ZFPM2: variants seen among roughly 807,000 people sequenced by gnomAD.
ZFPM2 encodes the protein zinc finger protein ZFPM2.
Under a neutral mutation model 98.6 loss-of-function variants are expected in ZFPM2, and 20 were observed. The ratio of observed to expected loss-of-function variants is 0.20; its 90% CI spans 0.14 to 0.29. ZFPM2 has a LOEUF of 0.29. Among genes scored for constraint, ZFPM2 ranks in the 10% least tolerant of loss-of-function variants. The pLI is 1.00. For synonymous variants in ZFPM2, 518 were observed against 502.7 expected, an observed-to-expected ratio of 1.03 and a Z score of -0.41; for missense variants, 1,310 against 1,388.6, an observed-to-expected ratio of 0.94 and a Z score of 0.90.
chr8:105,604,993 A>G (rs563181761), intron 4 of ZFPM2, among the ~76,000 whole-genome samples: 1 of 152,246 alleles, frequency 6.6e-6, no homozygotes, highest in East Asian at 1.9e-4. Context: ...CATTTTAAAA[A>G]GATCTTAACA....
At chr8:105,786,900 C>T (rs1194728730) in intron 5 of ZFPM2, among the ~76,000 whole-genome samples, 2 of 152,214 alleles carry the variant, frequency 1.3e-5, no homozygotes, top group Non-Finnish European at 2.9e-5. Context: ...CATAGCTGGA[C>T]TTACCAATAA....
At chr8:105,401,759 T>A (rs1811346336) in intron 1 of ZFPM2, among the ~76,000 whole-genome samples, 1 of 152,180 alleles carries the variant, frequency 6.6e-6, no homozygotes, top group African/African-American at 2.4e-5. Context: ...TACACTTTTT[T>A]AAATAGTTGT....
chr8:105,354,553 G>C (rs1355149210), intron 1 of ZFPM2, among the ~76,000 whole-genome samples: 1 of 152,092 alleles, frequency 6.6e-6, no homozygotes, highest in South Asian at 2.1e-4. Flanking sequence ...GGCATGTATT[G>C]GTGAGGTATG....
chr8:105,586,653 C>T (rs1815723689), intron 4 of ZFPM2, among the ~76,000 whole-genome samples: 1 of 151,398 alleles, frequency 6.6e-6, no homozygotes, highest in South Asian at 2.1e-4. Context: ...GGACTCCTGA[C>T]CTGGTGATCT....
At chr8:105,579,365 C>T (rs1815537025) in intron 4 of ZFPM2, among the ~76,000 whole-genome samples, 1 of 152,128 alleles carries the variant, frequency 6.6e-6, no homozygotes, top group African/African-American at 2.4e-5. Context: ...TGAGTCTGTT[C>T]AGATCTCCAA....
At chr8:105,656,189 GCCT>G (rs1326285360) in intron 5 of ZFPM2, among the ~76,000 whole-genome samples, 3 of 151,766 alleles carry the variant, frequency 2.0e-5, no homozygotes, top group African/African-American at 7.3e-5. Flanking sequence ...ATCCCTCTTT[GCCT>G]CCTTTACATA....
At chr8:105,487,933 GCTAGCTAGCTAGCTA>G (rs1563681473) in intron 3 of ZFPM2, among the ~76,000 whole-genome samples, 4 of 77,082 alleles carry the variant, frequency 5.2e-5, no homozygotes, top group African/African-American at 1.6e-4. Context: ...TATCTATCTA[GCTAGCTAGCTAGCTA>G]GCTATCTGTC....
chr8:105,595,305 C>T (rs1481882158), intron 4 of ZFPM2, among the ~76,000 whole-genome samples: 10 of 151,918 alleles, frequency 6.6e-5, no homozygotes, highest in Admixed American at 6.6e-4. Flanking sequence ...GAAAAGGGCC[C>T]CTATTTTAAT....
chr8:105,547,563 A>AG (rs1320609032), intron 3 of ZFPM2, among the ~76,000 whole-genome samples: 1 of 140,846 alleles, frequency 7.1e-6, no homozygotes, highest in Non-Finnish European at 1.6e-5. Flanking sequence ...AAAAAAAAAA[A>AG]AAAAAAGAAA....
At chr8:105,469,920 G>C (rs1812864642) in intron 3 of ZFPM2, among the ~76,000 whole-genome samples, 1 of 152,102 alleles carries the variant, frequency 6.6e-6, no homozygotes, top group African/African-American at 2.4e-5. Context: ...CAGAGTAAAT[G>C]CTCAAAAACT....
intron 5 of ZFPM2, among the ~76,000 whole-genome samples, chr8:105,695,717 A>T (rs6469012): frequency 0.5 from 75,339 of 151,532 alleles, 19,608 homozygotes; most frequent in East Asian, 0.7. Flanking sequence ...CATTAGAGAA[A>T]TAAAATATTA....
At chr8:105,695,813 T>G (rs1811005170) in intron 5 of ZFPM2, among the ~76,000 whole-genome samples, 1 of 143,724 alleles carries the variant, frequency 7.0e-6, no homozygotes, top group Non-Finnish European at 1.5e-5. Context: ...TTGGACTTAG[T>G]TAATTTTTCA....
At chr8:105,387,468 T>TGCG (rs1264552819) in intron 1 of ZFPM2, 1 of 153,522 alleles carries the variant, frequency 6.5e-6, no homozygotes, top group African/African-American at 2.4e-5. Flanking sequence ...TCCCAAGCCC[T>TGCG]GCCCCGCCGG....
At chr8:105,558,403 G>A (rs1228151609) in intron 3 of ZFPM2, among the ~76,000 whole-genome samples, 2 of 152,172 alleles carry the variant, frequency 1.3e-5, no homozygotes, top group South Asian at 2.1e-4. Context: ...TGCTTGTCTA[G>A]TAAAGTTGAA....
intron 1 of ZFPM2, among the ~76,000 whole-genome samples, chr8:105,330,887 C>T (rs561141096): frequency 6.7e-6 from 1 of 150,062 alleles, no homozygotes; most frequent in Admixed American, 6.7e-5. Flanking sequence ...GTCTGTGATA[C>T]ATTTTTCAGT....
chr8:105,362,273 T>A (rs1291276763), intron 1 of ZFPM2, among the ~76,000 whole-genome samples: 1 of 152,064 alleles, frequency 6.6e-6, no homozygotes, highest in African/African-American at 2.4e-5. Flanking sequence ...GCCAAATTTT[T>A]TTTCATTATC....
At chr8:105,327,235 G>T (rs1563604950) in intron 1 of ZFPM2, among the ~76,000 whole-genome samples, 1 of 151,412 alleles carries the variant, frequency 6.6e-6, no homozygotes, top group Non-Finnish European at 1.5e-5. Context: ...GATTTTTTCA[G>T]TAATAATCTC....
chr8:105,671,495 AAAG>A (rs1364497899), intron 5 of ZFPM2, among the ~76,000 whole-genome samples: 9 of 152,026 alleles, frequency 5.9e-5, no homozygotes, highest in Admixed American at 2.6e-4. Flanking sequence ...AGAGGAAAAA[AAAG>A]AATTTTTAAT....
intron 1 of ZFPM2, among the ~76,000 whole-genome samples, chr8:105,329,084 A>G (rs1249555857): frequency 2.6e-5 from 4 of 151,874 alleles, no homozygotes; most frequent in African/African-American, 9.7e-5. Flanking sequence ...CAGGGCTACA[A>G]CTGGGTCAGA....
Sources: allele counts gnomAD v4.1 joint callset (sites outside exome capture counted in the v4.1 genomes callset), GRCh38; gene constraint gnomAD v4.1.1; transcripts MANE v1.5; gene names NCBI Gene and HGNC (gene_info 2026-07-23, HGNC 2026-07-21).